Variants in ARHGEF3 observed in about 807,000 individuals in gnomAD.
ARHGEF3 encodes the protein Rho guanine nucleotide exchange factor 3.
Under a neutral mutation model 63.2 loss-of-function variants are expected in ARHGEF3, and 28 were observed. The ratio of observed to expected loss-of-function variants is 0.44; its 90% CI spans 0.33 to 0.61. The LOEUF (loss-of-function observed/expected upper bound fraction) is 0.61, where lower values mean the gene tolerates loss of function less well. Among genes scored for constraint, ARHGEF3 ranks in the 20% least tolerant of loss-of-function variants. The probability of loss-of-function intolerance (pLI) is 0.03; values close to 1 mark genes in which losing one functional copy is unlikely to be tolerated. For synonymous variants in ARHGEF3, 266 were observed against 254.2 expected (o/e 1.05, Z -0.44); for missense variants, 533 against 659.3 (o/e 0.81, Z 2.10).
chr3:56,951,540 C>A (rs1699813112), intron 3 of ARHGEF3, among the ~76,000 whole-genome samples: 1 of 151,924 alleles, frequency 6.6e-6, no homozygotes, highest in Non-Finnish European at 1.5e-5. Flanking sequence ...ACTTTATTGC[C>A]CTATTGACTT....
intron 2 of ARHGEF3, among the ~76,000 whole-genome samples, chr3:56,973,306 C>G (rs554856925): frequency 6.6e-6 from 1 of 152,124 alleles, no homozygotes; most frequent in African/African-American, 2.4e-5. Flanking sequence ...CGTGAGCCAC[C>G]GCGCCTGGCA....
At chr3:56,764,055 T>C (rs2035568893) in intron 2 of ARHGEF3, among the ~76,000 whole-genome samples, 1 of 137,924 alleles carries the variant, frequency 7.3e-6, no homozygotes, top group Admixed American at 7.3e-5. Context: ...TTGATGCACA[T>C]TAAAACCATG....
At chr3:57,019,839 A>C (rs543130953) in intron 2 of ARHGEF3, among the ~76,000 whole-genome samples, 1 of 152,328 alleles carries the variant, frequency 6.6e-6, no homozygotes, top group East Asian at 1.9e-4. Context: ...TTTCTTTAAT[A>C]ATCAACCCTC....
chr3:57,025,598 C>T (rs1172190389), intron 2 of ARHGEF3, among the ~76,000 whole-genome samples: 2 of 152,142 alleles, frequency 1.3e-5, no homozygotes, highest in Non-Finnish European at 2.9e-5. Flanking sequence ...AACTCATTTG[C>T]CCTAACCCTT....
At chr3:56,807,285 T>A (rs1314672818) in intron 4 of ARHGEF3, among the ~76,000 whole-genome samples, 6 of 152,176 alleles carry the variant, frequency 3.9e-5, no homozygotes, top group African/African-American at 1.4e-4. Context: ...ATTAGATACA[T>A]TTCTCCCCTC....
intron 2 of ARHGEF3, among the ~76,000 whole-genome samples, chr3:57,002,963 G>C (rs1164046903): frequency 1.3e-5 from 2 of 151,102 alleles, no homozygotes; most frequent in South Asian, 4.2e-4. Flanking sequence ...TAGTAGAGAC[G>C]GGGTTTCATC....
chr3:56,976,098 G>A (rs1333501085), intron 2 of ARHGEF3, among the ~76,000 whole-genome samples: 2 of 152,162 alleles, frequency 1.3e-5, no homozygotes, highest in Non-Finnish European at 2.9e-5. Flanking sequence ...CTGGAGTGCA[G>A]TGGCGCAATC....
intron 3 of ARHGEF3, among the ~76,000 whole-genome samples, chr3:56,890,605 CTCTT>C (rs1387842406): frequency 1.3e-5 from 2 of 152,188 alleles, no homozygotes; most frequent in Non-Finnish European, 2.9e-5. Flanking sequence ...CGCTGCCTGA[CTCTT>C]TCTAACTACC....
At chr3:56,980,885 T>C (rs1579013576) in intron 2 of ARHGEF3, among the ~76,000 whole-genome samples, 2 of 152,236 alleles carry the variant, frequency 1.3e-5, no homozygotes, top group South Asian at 2.1e-4. Flanking sequence ...CTGACTGCAC[T>C]ACCCACCTCA....
At chr3:56,967,772 A>ATG (rs1217301019) in intron 2 of ARHGEF3, among the ~76,000 whole-genome samples, 2 of 67,384 alleles carry the variant, frequency 3.0e-5, no homozygotes, top group African/African-American at 1.2e-4. Context: ...TATATAATAT[A>ATG]TTATATTATA....
At chr3:56,957,880 A>AGAGG (rs776802213) in intron 3 of ARHGEF3, among the ~76,000 whole-genome samples, 10 of 152,302 alleles carry the variant, frequency 6.6e-5, no homozygotes, top group Non-Finnish European at 1.3e-4. Context: ...TTAGCGCTAG[A>AGAGG]ATTCACTTTA....
chr3:56,796,305 G>C (rs928921470), intron 1 of ARHGEF3, among the ~76,000 whole-genome samples: 10 of 152,306 alleles, frequency 6.6e-5, no homozygotes, highest in South Asian at 4.1e-4. Context: ...GGTGTCTCGA[G>C]AAAATGACAC....
rs1371585504 is a variant in ARHGEF3 at position 57,007,035 on chromosome 3, C to A, written c.62+28053G>T. On this transcript the variant is annotated intron_variant, in intron 2 of 12. Coordinates refer to the ARHGEF3 transcript ENST00000338458. Reference sequence around the variant, plus strand: ...GGGGCCACAGGGGGCGCTCCTGGGGCGATGGTCACACTGTGCTCCTCACTC... The same window carrying A: ...GGGGCCACAGGGGGCGCTCCTGGGGAGATGGTCACACTGTGCTCCTCACTC... The A allele has an allele frequency of 4.5e-6, 3 of 664,484 alleles. No homozygotes were observed. The Admixed American group carries it at 1.3e-4, about 29-fold the overall frequency. 41.2% of individuals were successfully genotyped at this position (664,484 alleles called of 1,614,324 possible). A position where few individuals can be genotyped will look rare whatever the true frequency, so the allele number is the denominator to read the frequency against.
chr3:57,045,733 T>C (rs2107281452), intron 1 of ARHGEF3, among the ~76,000 whole-genome samples: 1 of 152,088 alleles, frequency 6.6e-6, no homozygotes, highest in South Asian at 2.1e-4. Context: ...CCAAGAACGT[T>C]CTCCCCCAAA....
intron 3 of ARHGEF3, among the ~76,000 whole-genome samples, chr3:56,949,031 A>G (rs575760751): frequency 2.0e-5 from 3 of 152,200 alleles, no homozygotes; most frequent in African/African-American, 7.2e-5. Flanking sequence ...CAAAAACCAT[A>G]TGATTATCTC....
intron 4 of ARHGEF3, among the ~76,000 whole-genome samples, chr3:56,865,267 A>G (rs181982871): frequency 1.3e-5 from 2 of 152,326 alleles, no homozygotes; most frequent in African/African-American, 4.8e-5. Flanking sequence ...TTAAACAGCA[A>G]CCTAGAAGAG....
At chr3:56,756,741 G>A (rs1457795462) in intron 2 of ARHGEF3, among the ~76,000 whole-genome samples, 1 of 152,040 alleles carries the variant, frequency 6.6e-6, no homozygotes, top group African/African-American at 2.4e-5. Flanking sequence ...AGTAGAGACA[G>A]GGTTTCACCA....
rs1247548481 is a variant in ARHGEF3, at chr3:56,775,552, C to CT, written c.97-1737dup. 7.1e-6 allele frequency: 7 copies of CT among 986,300 alleles called. No individual in the cohort carries two copies. In the East Asian group the frequency reaches 7.9e-4, roughly 112 times the overall value. 61.1% of individuals were successfully genotyped at this position (986,300 alleles called of 1,614,324 possible). A position where few individuals can be genotyped will look rare whatever the true frequency, so the allele number is the denominator to read the frequency against. Reference sequence around the variant, plus strand: ...CAGACAGCAGAAAACTCTCAGAACACTAGGAAGGCTCAGTTCCAAAATGCA... The same window carrying CT: ...CAGACAGCAGAAAACTCTCAGAACACTTAGGAAGGCTCAGTTCCAAAATGCA... On this transcript the variant is annotated intron_variant, in intron 1 of 9. Transcript: ENST00000296315.
At chr3:56,776,329 G>C (rs1169170049) in intron 1 of ARHGEF3, among the ~76,000 whole-genome samples, 1 of 152,222 alleles carries the variant, frequency 6.6e-6, no homozygotes, top group Non-Finnish European at 1.5e-5. Flanking sequence ...CTAAGGCATT[G>C]CCGATTTGGA....
Sources: gnomAD v4.1 joint callset for allele counts (sites outside exome capture counted in the v4.1 genomes callset) on GRCh38, gnomAD v4.1.1 for gene constraint, MANE v1.5 for transcripts, NCBI Gene and HGNC (gene_info 2026-07-23, HGNC 2026-07-21) for gene names.